Variants in GABRG3 observed in about 807,000 individuals in gnomAD.
The protein encoded by GABRG3 is gamma-aminobutyric acid type A receptor subunit gamma3, also known as gamma-aminobutyric acid receptor subunit gamma-3.
In GABRG3, 25 loss-of-function variants were observed where a neutral mutation model predicts 48.8. The ratio of observed to expected loss-of-function variants is 0.51; its 90% CI spans 0.37 to 0.72. The LOEUF (loss-of-function observed/expected upper bound fraction) is 0.72, where lower values mean the gene tolerates loss of function less well. Ranked by LOEUF, GABRG3 falls within the 30% of genes least tolerant of loss-of-function variation. The pLI, the probability that GABRG3 is intolerant of heterozygous loss-of-function variation, is 0.00. For missense variants in GABRG3, 394 were observed against 577.9 expected (o/e 0.68, Z 3.26); for synonymous variants, 227 against 217.6 (o/e 1.04, Z -0.38).
intron 3 of GABRG3, among the ~76,000 whole-genome samples, chr15:27,153,403 A>G (rs1073136): frequency 0.18 from 26,844 of 152,154 alleles, 2,632 homozygotes; most frequent in Admixed American, 0.25. Context: ...GTAGCTATAC[A>G]ATAGGCTGTA....
chr15:27,313,196 GTATA>G (rs201133227), intron 3 of GABRG3, among the ~76,000 whole-genome samples: 2 of 127,760 alleles, frequency 1.6e-5, no homozygotes, highest in Admixed American at 8.4e-5. Flanking sequence ...ATATATATGT[GTATA>G]TATATATATG....
intron 3 of GABRG3, among the ~76,000 whole-genome samples, chr15:27,174,770 G>T (rs558493847): frequency 4.5e-4 from 69 of 152,168 alleles, no homozygotes; most frequent in Middle Eastern, 3.4e-3. Context: ...CATGACTTTT[G>T]ACCTCTCCTT....
rs551157242 is a variant in GABRG3, at chr15:27,179,953, G to A, written c.271-146856G>A. Among the ~76,000 whole-genome samples the A allele has an allele frequency of 7.2e-5, 11 of 152,246 alleles. No individual in the cohort carries two copies. Among genetic ancestry groups the A allele is most frequent in the Non-Finnish European group, 1.0e-4 (7 of 68,008 alleles). ...CATCGCCTCCTAGATGAGGCTGGGCGTGGCTCTGAAGAGCTGCAGCACTTC... is the reference window on the plus strand; with the variant it reads ...CATCGCCTCCTAGATGAGGCTGGGCATGGCTCTGAAGAGCTGCAGCACTTC... On this transcript the variant is annotated intron_variant, in intron 3 of 9. Coordinates refer to ENST00000615808, the MANE Select transcript of GABRG3 (RefSeq NM_033223.5). The surrounding 1 kb of genome is among the most constrained non-coding windows in gnomAD (Gnocchi z 4.0).
At chr15:27,148,519 T>C (rs996464615) in intron 3 of GABRG3, among the ~76,000 whole-genome samples, 9 of 151,876 alleles carry the variant, frequency 5.9e-5, no homozygotes, top group African/African-American at 2.2e-4. Flanking sequence ...ATTATCCTGA[T>C]CTCCAAGCCA....
chr15:27,456,995 C>T lies in GABRG3; in HGVS notation c.575-23655C>T, dbSNP rs140904088. On this transcript the variant is annotated intron_variant, in intron 5 of 9. Transcript: ENST00000615808. ...GCCCCAGAAGAGCTCCCCACTTTCC[C>T]GAGCTCCACCTACCACGCCGACCTC... 4.1e-4 allele frequency among the ~76,000 whole-genome samples: 63 copies of T among 152,312 alleles called. No individual in the cohort carries two copies. The East Asian group carries it at 0.011, about 26-fold the overall frequency.
At chr15:27,484,417 C>T (rs1890172218) in intron 6 of GABRG3, among the ~76,000 whole-genome samples, 1 of 152,000 alleles carries the variant, frequency 6.6e-6, no homozygotes, top group Non-Finnish European at 1.5e-5. Flanking sequence ...AGGCTGATGG[C>T]AAGATGTTCA....
At chr15:27,362,472 G>GA (rs1433675415) in intron 5 of GABRG3, 1 of 152,186 alleles carries the variant, frequency 6.6e-6, no homozygotes, top group Non-Finnish European at 1.5e-5. Flanking sequence ...TACCAAGAAT[G>GA]AAAATCAAAA....
At chr15:27,286,582 T>A (rs1891620037) in intron 3 of GABRG3, among the ~76,000 whole-genome samples, 1 of 147,218 alleles carries the variant, frequency 6.8e-6, no homozygotes, top group African/African-American at 2.7e-5. Flanking sequence ...ATTAGAGAAA[T>A]CAAATATAAA....
chr15:27,479,095 G>A (rs1349906820), intron 5 of GABRG3, among the ~76,000 whole-genome samples: 2 of 151,642 alleles, frequency 1.3e-5, no homozygotes, highest in African/African-American at 2.4e-5. Flanking sequence ...AATTAGATTA[G>A]GGTGATGGTT....
chr15:27,031,657 A>G (rs17647710), intron 3 of GABRG3, among the ~76,000 whole-genome samples: 23,183 of 152,168 alleles, frequency 0.15, 2,027 homozygotes, highest in South Asian at 0.2. Flanking sequence ...GCAGCCAGAG[A>G]AATCATAAAG....
At chr15:27,167,087 T>C (rs1887399124) in intron 3 of GABRG3, among the ~76,000 whole-genome samples, 1 of 152,160 alleles carries the variant, frequency 6.6e-6, no homozygotes. Context: ...GCAGGGGCTG[T>C]CTTCTCATGC....
intron 5 of GABRG3, among the ~76,000 whole-genome samples, chr15:27,341,281 A>G (rs1485795217): frequency 1.3e-5 from 2 of 152,122 alleles, no homozygotes; most frequent in East Asian, 3.9e-4. Flanking sequence ...GAGTTTTAAG[A>G]TTAGCATTAA....
intron 5 of GABRG3, among the ~76,000 whole-genome samples, chr15:27,440,198 G>A (rs764305417): frequency 3.3e-5 from 5 of 152,126 alleles, no homozygotes; most frequent in Admixed American, 6.5e-5. Flanking sequence ...GCAATGCACC[G>A]TCTTAACTCA....
At chr15:27,501,187 G>A (rs975603571) in intron 6 of GABRG3, among the ~76,000 whole-genome samples, 5 of 152,184 alleles carry the variant, frequency 3.3e-5, no homozygotes, top group African/African-American at 1.2e-4. Context: ...TCCTGACCTC[G>A]TGATCTGCCC....
chr15:27,453,618 T>A (rs1246875159), intron 5 of GABRG3, among the ~76,000 whole-genome samples: 1 of 152,174 alleles, frequency 6.6e-6, no homozygotes, highest in African/African-American at 2.4e-5. Flanking sequence ...TGTTTGTTTG[T>A]TTAGACAGAG....
chr15:26,986,063 A>G (rs1421957375), intron 2 of GABRG3, among the ~76,000 whole-genome samples: 5 of 151,846 alleles, frequency 3.3e-5, no homozygotes, highest in Non-Finnish European at 7.4e-5. Flanking sequence ...AATCAAACCA[A>G]CCTTTTCCTT....
rs555078824 is a variant in GABRG3 at position 27,126,772 on chromosome 15, C to T, written c.270+99951C>T. On this transcript the variant is annotated intron_variant, in intron 3 of 9. Coordinates refer to ENST00000615808, the MANE Select transcript of GABRG3 (RefSeq NM_033223.5). The stretch of plus-strand genomic sequence containing the variant: ...CCTTTTGCCATAGATTAGTTTAGCC[C>T]GCCATGATGGATTCGAGACAGGTGC... 5.9e-5 allele frequency among the ~76,000 whole-genome samples: 9 copies of T among 152,254 alleles called. No homozygotes were observed. In the South Asian group the frequency reaches 8.3e-4, roughly 14 times the overall value.
At chr15:27,391,118 A>G (rs1026872082) in intron 5 of GABRG3, among the ~76,000 whole-genome samples, 6 of 152,036 alleles carry the variant, frequency 3.9e-5, no homozygotes, top group Non-Finnish European at 7.4e-5. Flanking sequence ...CCCTCAGGTT[A>G]CAATGGCACC....
At chr15:27,465,680 A>C (rs1397801420) in intron 5 of GABRG3, among the ~76,000 whole-genome samples, 1 of 152,032 alleles carries the variant, frequency 6.6e-6, no homozygotes, top group African/African-American at 2.4e-5. Context: ...CAGTCACCCA[A>C]TCTCTTATTT....
Sources: allele counts gnomAD v4.1 joint callset (sites outside exome capture counted in the v4.1 genomes callset), GRCh38; gene constraint gnomAD v4.1.1; non-coding constraint Gnocchi (gnomAD v3.1); transcripts MANE v1.5; gene names NCBI Gene and HGNC (gene_info 2026-07-23, HGNC 2026-07-21).